SPOCK1: variants seen among roughly 807,000 people sequenced by gnomAD.
SPOCK1 encodes SPARC (osteonectin), cwcv and kazal like domains proteoglycan 1.
In SPOCK1, 23 loss-of-function variants were observed where a neutral mutation model predicts 55.3. The observed-to-expected ratio is 0.42, with a 90% CI of 0.30 to 0.59. SPOCK1 has a LOEUF of 0.59. Among genes scored for constraint, SPOCK1 ranks in the 20% least tolerant of loss-of-function variants. The probability of loss-of-function intolerance (pLI) is 0.22; values close to 1 mark genes in which losing one functional copy is unlikely to be tolerated. For synonymous variants in SPOCK1, 226 were observed against 221.0 expected (o/e 1.02, Z -0.20); for missense variants, 499 against 552.5 (o/e 0.90, Z 0.97).
intron 3 of SPOCK1, among the ~76,000 whole-genome samples, chr5:137,157,818 G>A (rs184547082): frequency 9.2e-5 from 14 of 152,288 alleles, no homozygotes; most frequent in Non-Finnish European, 1.8e-4. Flanking sequence ...CCAGCACTTC[G>A]GGAGACCGAG....
intron 2 of SPOCK1, among the ~76,000 whole-genome samples, chr5:137,423,335 T>G (rs910766948): frequency 2.6e-5 from 4 of 152,226 alleles, no homozygotes; most frequent in African/African-American, 4.8e-5. Context: ...CATTTAAGTA[T>G]GCAGAGGATT....
intron 2 of SPOCK1, among the ~76,000 whole-genome samples, chr5:137,482,054 C>A (rs1328218848): frequency 6.6e-6 from 1 of 152,148 alleles, no homozygotes; most frequent in Admixed American, 6.5e-5. Context: ...CTGGCCAGGG[C>A]AGAGATAGCA....
chr5:137,091,063 G>A (rs1303295672), intron 5 of SPOCK1, among the ~76,000 whole-genome samples: 1 of 152,204 alleles, frequency 6.6e-6, no homozygotes, highest in South Asian at 2.1e-4. Flanking sequence ...GCAAAGGGGA[G>A]CTGAGGAGGA....
Position 137,133,554 on chromosome 5 carries a change from A to G in SPOCK1, c.347+7026T>C, listed in dbSNP as rs1035534697. On this transcript the variant is annotated intron_variant, in intron 4 of 10. Coordinates refer to ENST00000394945, the MANE Select transcript of SPOCK1 (RefSeq NM_004598.4). The stretch of plus-strand genomic sequence containing the variant: ...CTGCTGCTTGTCATCAAGGTCATCT[A>G]ATCAATAGTCTTCGTTTCAGAGAGA... 6.6e-5 allele frequency among the ~76,000 whole-genome samples: 10 copies of G among 152,236 alleles called. No individual in the cohort carries two copies. The South Asian group carries it at 1.7e-3, about 25-fold the overall frequency.
At chr5:137,397,123 TCCATGATCCCA>T (rs1390469666) in intron 2 of SPOCK1, among the ~76,000 whole-genome samples, 1 of 152,106 alleles carries the variant, frequency 6.6e-6, no homozygotes, top group Non-Finnish European at 1.5e-5. Context: ...AACACCCTGC[TCCATGATCCCA>T]CCATGATGTC....
chr5:137,156,538 C>T (rs77416563), intron 3 of SPOCK1, among the ~76,000 whole-genome samples: 5,454 of 152,102 alleles, frequency 0.036, 343 homozygotes, highest in African/African-American at 0.13. Context: ...CTTCACTGAG[C>T]ACCTACTACA....
Position 137,226,802 on chromosome 5 carries a change from G to A in SPOCK1, c.232+40208C>T, listed in dbSNP as rs139476759. ...TTTATCCAGTTTAAGTATAACTACC[G>A]TGTGCCCTGTAGTATCTTATACCTC... On this transcript the variant is annotated intron_variant, in intron 3 of 10. Coordinates refer to ENST00000394945, the MANE Select transcript of SPOCK1 (RefSeq NM_004598.4). Among the ~76,000 whole-genome samples the A allele has an allele frequency of 2.0e-3, 300 of 152,284 alleles. 1 individual carries two copies. The highest frequency in any genetic ancestry group is 3.1e-3 in the Non-Finnish European group (211 of 68,030).
chr5:137,127,437 A>G (rs1275182846), intron 4 of SPOCK1, among the ~76,000 whole-genome samples: 1 of 152,226 alleles, frequency 6.6e-6, no homozygotes, highest in Non-Finnish European at 1.5e-5. Context: ...CAGGGGCCCA[A>G]ACCCTGCTAG....
At chr5:137,393,749 A>G (rs2127180513) in intron 2 of SPOCK1, among the ~76,000 whole-genome samples, 1 of 152,382 alleles carries the variant, frequency 6.6e-6, no homozygotes, top group Admixed American at 6.5e-5. Flanking sequence ...TGTTCTTAAG[A>G]AACAGTATCT....
chr5:137,015,416 C>T (rs150441329), intron 6 of SPOCK1, among the ~76,000 whole-genome samples: 7 of 152,302 alleles, frequency 4.6e-5, no homozygotes, highest in African/African-American at 1.4e-4. Flanking sequence ...CGCCACTGCA[C>T]TCTAGCCTGG....
chr5:137,044,345 A>T (rs1294980432), intron 6 of SPOCK1, among the ~76,000 whole-genome samples: 1 of 152,242 alleles, frequency 6.6e-6, no homozygotes, highest in African/African-American at 2.4e-5. Context: ...TATTCACTTT[A>T]TCGTGAAAGT....
At chr5:137,141,566 G>A (rs1355993630) in intron 3 of SPOCK1, among the ~76,000 whole-genome samples, 1 of 152,200 alleles carries the variant, frequency 6.6e-6, no homozygotes, top group African/African-American at 2.4e-5. Context: ...ATTGTGCAAG[G>A]CAGAATTAGA....
intron 6 of SPOCK1, among the ~76,000 whole-genome samples, chr5:137,029,123 AG>A (rs1280693919): frequency 6.6e-6 from 1 of 152,222 alleles, no homozygotes; most frequent in Non-Finnish European, 1.5e-5. Context: ...AAACTGGCCC[AG>A]GATGTGAGTA....
At chr5:137,096,577 A>G (rs1265444612) in intron 5 of SPOCK1, among the ~76,000 whole-genome samples, 1 of 152,248 alleles carries the variant, frequency 6.6e-6, no homozygotes, top group Non-Finnish European at 1.5e-5. Context: ...GAACATCTCA[A>G]CTACTCAGGA....
At chr5:137,420,283 T>G (rs927807914) in intron 2 of SPOCK1, among the ~76,000 whole-genome samples, 1 of 152,248 alleles carries the variant, frequency 6.6e-6, no homozygotes, top group African/African-American at 2.4e-5. Flanking sequence ...TCTGCCAGGC[T>G]TTGGTATCAG....
intron 3 of SPOCK1, among the ~76,000 whole-genome samples, chr5:137,157,205 A>G (rs1316178681): frequency 2.0e-5 from 3 of 152,214 alleles, no homozygotes; most frequent in East Asian, 1.9e-4. Flanking sequence ...TTCATAAAAT[A>G]AACAACCACA....
In SPOCK1 at chr5:137,356,676, A is replaced by C. The variant is rs180882057; in HGVS notation, c.187-89621T>G. Among the ~76,000 whole-genome samples the C allele has an allele frequency of 2.4e-3, 366 of 150,434 alleles. 1 individual carries two copies. Among genetic ancestry groups the C allele is most frequent in the African/African-American group, 8.4e-3 (341 of 40,794 alleles). ...CATGGTGGCACATGCCTGTAATCCC[A>C]GCTACTTAGGAGGCTGAGGCACGAG... On this transcript the variant is annotated intron_variant, in intron 2 of 10. Coordinates refer to ENST00000394945, the MANE Select transcript of SPOCK1 (RefSeq NM_004598.4).
intron 4 of SPOCK1, 22 bp from the exon 5 acceptor site, chr5:137,112,583 A>G (rs376499681): frequency 4.3e-6 from 7 of 1,609,910 alleles, no homozygotes; most frequent in Non-Finnish European, 5.9e-6. Flanking sequence ...AAAAAAGGGG[A>G]TAAATTAGTT....
intron 3 of SPOCK1, among the ~76,000 whole-genome samples, chr5:137,168,996 C>T (rs1283933012): frequency 2.2e-4 from 33 of 152,108 alleles, no homozygotes; most frequent in Non-Finnish European, 1.5e-5. Context: ...TACATATACA[C>T]AATGGAGTAC....
Sources: gnomAD v4.1 joint callset for allele counts (sites outside exome capture counted in the v4.1 genomes callset) on GRCh38, gnomAD v4.1.1 for gene constraint, MANE v1.5 for transcripts, NCBI Gene and HGNC (gene_info 2026-07-23, HGNC 2026-07-21) for gene names.